Variants in FBXO10 observed in about 807,000 individuals in gnomAD.
FBXO10 encodes the protein F-box only protein 10.
A neutral mutation model predicts 80.7 loss-of-function variants in FBXO10; 39 were observed. The ratio of observed to expected loss-of-function variants is 0.48; its 90% CI spans 0.37 to 0.63. The LOEUF (loss-of-function observed/expected upper bound fraction) is 0.63. Among genes scored for constraint, FBXO10 ranks in the 30% least tolerant of loss-of-function variants. The pLI, the probability that FBXO10 is intolerant of heterozygous loss-of-function variation, is 0.00. For synonymous variants in FBXO10, 449 were observed against 489.6 expected (o/e 0.92, Z 1.09); for missense variants, 1,025 against 1,269.0 (o/e 0.81, Z 2.92).
intron 8 of FBXO10, among the ~76,000 whole-genome samples, chr9:37,519,064 C>T (rs1456821830): frequency 1.3e-5 from 2 of 152,152 alleles, no homozygotes; most frequent in South Asian, 2.1e-4. Context: ...CACCCGCCAC[C>T]ACGCCCGGCT....
intron 1 of FBXO10, among the ~76,000 whole-genome samples, chr9:37,569,493 A>C (rs10973421): frequency 0.24 from 35,847 of 149,572 alleles, 5,606 homozygotes; most frequent in African/African-American, 0.44. Flanking sequence ...AAAAAAAAAA[A>C]CACCCAGTAA....
At chr9:37,545,290 C>G (rs1219894333) in intron 1 of FBXO10, among the ~76,000 whole-genome samples, 4 of 148,186 alleles carry the variant, frequency 2.7e-5, no homozygotes, top group Non-Finnish European at 5.9e-5. Context: ...GATTCTCCTG[C>G]CTCAGCCTCC....
At chr9:37,555,157 C>T (rs1458508452) in intron 1 of FBXO10, among the ~76,000 whole-genome samples, 1 of 152,046 alleles carries the variant, frequency 6.6e-6, no homozygotes, top group Non-Finnish European at 1.5e-5. Flanking sequence ...CTCAAGTGAT[C>T]CTGCTGCCTC....
At position 37,537,104 on chromosome 9, in the gene FBXO10, C is replaced by T. The variant is rs576774419; in HGVS notation, c.1419+6G>A. The T allele has an allele frequency of 2.3e-5, 36 of 1,591,218 alleles. No individual in the cohort carries two copies. In the South Asian group the frequency reaches 4.1e-4, roughly 18 times the overall value. On this transcript the variant is annotated splice_donor_region_variant and intron_variant, in intron 3 of 10. Coordinates refer to ENST00000432825, the MANE Select transcript of FBXO10 (RefSeq NM_012166.3). ...CCCCCTGACCAATCTAAAGTCATGA[C>T]AGCACCTTGCTATTATGTATACACC...
intron 1 of FBXO10, among the ~76,000 whole-genome samples, chr9:37,550,569 C>G (rs1235611561): frequency 6.6e-6 from 1 of 151,654 alleles, no homozygotes; most frequent in Non-Finnish European, 1.5e-5. Context: ...TAACCTCAGC[C>G]TCCCAGGTTC....
At chr9:37,570,278 C>T (rs1822716698) in intron 1 of FBXO10, among the ~76,000 whole-genome samples, 3 of 151,828 alleles carry the variant, frequency 2.0e-5, no homozygotes. Context: ...TGTGCCATTG[C>T]ACTCCAGCCT....
intron 1 of FBXO10, among the ~76,000 whole-genome samples, chr9:37,554,907 T>C (rs1822298081): frequency 1.3e-5 from 2 of 152,228 alleles, no homozygotes; most frequent in Non-Finnish European, 2.9e-5. Flanking sequence ...AATATTCTTA[T>C]ATAAGTGTTT....
intron 1 of FBXO10, among the ~76,000 whole-genome samples, chr9:37,570,114 C>A (rs776774972): frequency 6.6e-5 from 10 of 152,150 alleles, no homozygotes; most frequent in African/African-American, 2.4e-4. Context: ...GTTCGAGACC[C>A]GCCTGAGCAA....
chr9:37,556,506 A>G (rs1270804551), intron 1 of FBXO10, among the ~76,000 whole-genome samples: 1 of 149,778 alleles, frequency 6.7e-6, no homozygotes, highest in African/African-American at 2.5e-5. Flanking sequence ...AAAAATGATA[A>G]ATCAGTTGAG....
intron 1 of FBXO10, among the ~76,000 whole-genome samples, chr9:37,558,972 G>A (rs1444688145): frequency 2.6e-5 from 4 of 152,036 alleles, no homozygotes; most frequent in South Asian, 2.1e-4. Context: ...CACCACGCCC[G>A]GCTAATTTTT....
intron 9 of FBXO10, among the ~76,000 whole-genome samples, chr9:37,516,979 A>G (rs1821194549): frequency 2.0e-5 from 3 of 151,964 alleles, no homozygotes; most frequent in Admixed American, 2.0e-4. Flanking sequence ...AAAAAACAAA[A>G]AAAAGGTGGT....
intron 9 of FBXO10, 35 bp downstream of exon 9, chr9:37,518,090 G>A (rs931970911): frequency 6.3e-7 from 1 of 1,577,606 alleles, no homozygotes; most frequent in African/African-American, 1.3e-5. Context: ...GCCCTGTGTG[G>A]GCACCACACG....
At chr9:37,543,586 G>T (rs955416116) in intron 1 of FBXO10, among the ~76,000 whole-genome samples, 2 of 152,194 alleles carry the variant, frequency 1.3e-5, no homozygotes. Context: ...GCAGAAGCAA[G>T]GGGCATCCAG....
At chr9:37,525,841 A>G (rs934939022) in intron 5 of FBXO10, among the ~76,000 whole-genome samples, 5 of 151,972 alleles carry the variant, frequency 3.3e-5, no homozygotes, top group African/African-American at 1.2e-4. Flanking sequence ...GCCTGGCCTT[A>G]TATGTATTTT....
intron 1 of FBXO10, among the ~76,000 whole-genome samples, chr9:37,550,640 G>A (rs1422954766): frequency 6.6e-6 from 1 of 151,110 alleles, no homozygotes; most frequent in Non-Finnish European, 1.5e-5. Flanking sequence ...CCACACACCT[G>A]GCTAATTTTT....
rs958985755 is a variant in FBXO10 at position 37,525,044 on chromosome 9, G to A, written c.1777+58C>T. On this transcript the variant is annotated intron_variant, in intron 6 of 10. Transcript: ENST00000432825. ...AGCAGTGTGAGGTCCTGAAGCTGGG[G>A]GGTGACGCCAGGGGACCTTGGCCTG... 2.8e-6 allele frequency: 4 copies of A among 1,442,102 alleles called. No individual in the cohort carries two copies. The Admixed American group carries it at 7.9e-5, about 29-fold the overall frequency. 89.3% of individuals were successfully genotyped at this position (1,442,102 alleles called of 1,614,324 possible).
rs942510659 is a variant in FBXO10 at position 37,524,905 on chromosome 9, G to C, written c.1777+197C>G. Among the ~76,000 whole-genome samples, 51 of 152,348 alleles carry C rather than the reference G, an allele frequency of 3.3e-4. No individual in the cohort carries two copies. Among genetic ancestry groups the C allele is most frequent in the African/African-American group, 1.2e-3 (51 of 41,578 alleles). On this transcript the variant is annotated intron_variant, in intron 6 of 10. Transcript: ENST00000432825. ...GTCGGCTCTGGGCCTGGAAGGAGCAGACACCCACTCTGTGTTAGGCCCTCC... is the reference window on the plus strand; with the variant it reads ...GTCGGCTCTGGGCCTGGAAGGAGCACACACCCACTCTGTGTTAGGCCCTCC...
At chr9:37,542,377 C>T (rs998540824) in intron 1 of FBXO10, among the ~76,000 whole-genome samples, 57 of 151,880 alleles carry the variant, frequency 3.8e-4, no homozygotes, top group African/African-American at 1.4e-3. Context: ...AGGTGGATCA[C>T]CTGAGGTTGG....
Position 37,521,678 on chromosome 9 carries a change from C to T in FBXO10, c.2091G>A (p.Glu697=). The change falls in exon 8 of 11, where the codon GAG becomes GAA. Residue 697 remains glutamate, a synonymous_variant. Transcript: ENST00000432825. ...RGHRAQENFS[E]DGDAILWETE... ...TCTCCCAGAGGATGGCGTCCCCATC[C>T]TCGCTGAAGTTCTCTTGAGCCCTGT... 6.2e-7 allele frequency: 1 copy of T among 1,613,996 alleles called. No homozygotes were observed.
Sources: gnomAD v4.1 joint callset for allele counts (sites outside exome capture counted in the v4.1 genomes callset) on GRCh38, gnomAD v4.1.1 for gene constraint, MANE v1.5 for transcripts, NCBI Gene and HGNC (gene_info 2026-07-23, HGNC 2026-07-21) for gene names.